Variants in CTNNA3 observed in about 807,000 individuals in gnomAD.
CTNNA3 encodes the protein catenin alpha-3.
CTNNA3 carries 76 observed loss-of-function variants against 95.7 expected under a neutral mutation model. The ratio of observed to expected loss-of-function variants is 0.79; its 90% CI spans 0.66 to 0.96. The LOEUF is 0.96. Ranked by LOEUF, CTNNA3 falls within the 40% of genes least tolerant of loss-of-function variation. CTNNA3 has a pLI of 0.00. For synonymous variants in CTNNA3, 431 were observed against 374.4 expected (o/e 1.15, Z -1.74); for missense variants, 1,191 against 1,089.8 (o/e 1.09, Z -1.31).
At chr10:66,465,297 G>A (rs1224574748) in intron 11 of CTNNA3, among the ~76,000 whole-genome samples, 1 of 152,010 alleles carries the variant, frequency 6.6e-6, no homozygotes, top group African/African-American at 2.4e-5. Flanking sequence ...GTCCTTAAAG[G>A]GAAGAAAATC....
intron 7 of CTNNA3, among the ~76,000 whole-genome samples, chr10:67,053,183 TG>T (rs1268650352): frequency 1.3e-5 from 2 of 152,202 alleles, no homozygotes; most frequent in East Asian, 1.9e-4. Context: ...TATTAAGGTT[TG>T]GTCAACCTTC....
intron 5 of CTNNA3, among the ~76,000 whole-genome samples, chr10:67,455,728 G>A (rs113713164): frequency 6.6e-6 from 1 of 152,206 alleles, no homozygotes; most frequent in South Asian, 2.1e-4. Context: ...CAAAATGCCT[G>A]ACCAGACCAG....
chr10:66,614,479 G>C (rs1235970788), intron 10 of CTNNA3, among the ~76,000 whole-genome samples: 1 of 151,904 alleles, frequency 6.6e-6, no homozygotes, highest in East Asian at 1.9e-4. Context: ...GTGATCTCCA[G>C]TGCATGCCCT....
intron 5 of CTNNA3, among the ~76,000 whole-genome samples, chr10:67,304,432 C>T (rs373113443): frequency 1.1e-3 from 172 of 152,270 alleles, no homozygotes; most frequent in African/African-American, 3.9e-3. Flanking sequence ...GGATTCTGGA[C>T]AGTCAGCAGA....
At chr10:66,396,263 T>C (rs1186007684) in intron 11 of CTNNA3, among the ~76,000 whole-genome samples, 3 of 152,050 alleles carry the variant, frequency 2.0e-5, no homozygotes, top group African/African-American at 7.2e-5. Flanking sequence ...AAAATCTTAT[T>C]GAACTGAATA....
chr10:67,237,429 G>T (rs369127305), intron 5 of CTNNA3, among the ~76,000 whole-genome samples: 2 of 151,268 alleles, frequency 1.3e-5, no homozygotes, highest in African/African-American at 4.9e-5. Context: ...TAAATATGGC[G>T]CAGTGTATAC....
intron 3 of CTNNA3, among the ~76,000 whole-genome samples, chr10:67,584,301 G>A (rs932065951): frequency 1.3e-5 from 2 of 152,126 alleles, no homozygotes; most frequent in African/African-American, 2.4e-5. Context: ...GGACCCTCAG[G>A]TGCAGGTCTG....
At chr10:66,767,740 G>A (rs1027508258) in intron 8 of CTNNA3, among the ~76,000 whole-genome samples, 3 of 152,080 alleles carry the variant, frequency 2.0e-5, no homozygotes, top group African/African-American at 7.2e-5. Context: ...AGAAAGTACT[G>A]TCTTCTATAA....
chr10:67,026,260 ATAAT>A (rs1291298321), intron 7 of CTNNA3, among the ~76,000 whole-genome samples: 5 of 152,036 alleles, frequency 3.3e-5, no homozygotes, highest in African/African-American at 4.8e-5. Flanking sequence ...AAGTATAATA[ATAAT>A]TAAGAAAAAA....
intron 6 of CTNNA3, among the ~76,000 whole-genome samples, chr10:67,200,258 T>C (rs1863581847): frequency 6.6e-6 from 1 of 152,126 alleles, no homozygotes; most frequent in African/African-American, 2.4e-5. Flanking sequence ...TATTTGAAGA[T>C]CTGGTGGGGG....
At chr10:66,879,149 T>C (rs995297770) in intron 7 of CTNNA3, among the ~76,000 whole-genome samples, 3 of 152,126 alleles carry the variant, frequency 2.0e-5, no homozygotes, top group Non-Finnish European at 4.4e-5. Flanking sequence ...CACAACTGTC[T>C]GGCTCCAAAG....
intron 1 of CTNNA3, among the ~76,000 whole-genome samples, chr10:67,719,936 A>T (rs1313123039): frequency 1.3e-5 from 2 of 151,792 alleles, no homozygotes; most frequent in African/African-American, 4.8e-5. Flanking sequence ...TGGAAATCTA[A>T]GTCTCTTTGT....
intron 13 of CTNNA3, among the ~76,000 whole-genome samples, chr10:66,173,503 A>G (rs2085538391): frequency 6.6e-6 from 1 of 151,904 alleles, no homozygotes. Flanking sequence ...TGGGCAAGAT[A>G]ATGAGACTCC....
intron 11 of CTNNA3, among the ~76,000 whole-genome samples, chr10:66,420,952 T>C (rs2093188390): frequency 6.6e-6 from 1 of 152,100 alleles, no homozygotes; most frequent in Non-Finnish European, 1.5e-5. Flanking sequence ...ATCAAAGGGA[T>C]TCCTGCACTC....
intron 5 of CTNNA3, among the ~76,000 whole-genome samples, chr10:67,384,811 T>G (rs560814079): frequency 7.2e-5 from 11 of 152,182 alleles, no homozygotes; most frequent in African/African-American, 1.2e-4. Context: ...TATAGAAGAT[T>G]GTAAAAATGA....
intron 7 of CTNNA3, among the ~76,000 whole-genome samples, chr10:66,972,904 G>T (rs1452334006): frequency 6.6e-6 from 1 of 151,778 alleles, no homozygotes; most frequent in Non-Finnish European, 1.5e-5. Context: ...TAGAGATGGG[G>T]TTTCACCATG....
chr10:67,041,131 A>G (rs1854365816), intron 7 of CTNNA3, among the ~76,000 whole-genome samples: 1 of 152,116 alleles, frequency 6.6e-6, no homozygotes. Flanking sequence ...TGTCTCACTG[A>G]GAACTAGGGA....
chr10:67,112,623 C>CTT (rs71006126), intron 7 of CTNNA3, among the ~76,000 whole-genome samples: 38 of 147,462 alleles, frequency 2.6e-4, no homozygotes, highest in South Asian at 4.3e-4. Context: ...GTTTTTCATT[C>CTT]TTTTTTTTTT....
chr10:66,787,845 C>T (rs1389631757), intron 7 of CTNNA3, among the ~76,000 whole-genome samples: 1 of 152,276 alleles, frequency 6.6e-6, no homozygotes, highest in East Asian at 1.9e-4. Context: ...GCAGAGATTT[C>T]TAAAGTAATT....
Sources: gnomAD v4.1 joint callset for allele counts (sites outside exome capture counted in the v4.1 genomes callset) on GRCh38, gnomAD v4.1.1 for gene constraint, MANE v1.5 for transcripts, NCBI Gene and HGNC (gene_info 2026-07-23, HGNC 2026-07-21) for gene names.